CD1B: variants seen among roughly 807,000 people sequenced by gnomAD.
CD1B encodes the protein CD1b molecule, also known as T-cell surface glycoprotein CD1b.
In CD1B, 43 loss-of-function variants were observed where a neutral mutation model predicts 39.8. That is an observed-to-expected ratio of 1.08 (90% CI 0.85 to 1.39). CD1B has a LOEUF of 1.39. Ranked by LOEUF, CD1B falls within the 40% of genes most tolerant of loss-of-function variation. CD1B has a pLI of 0.00. For missense variants in CD1B, 495 were observed against 403.8 expected (o/e 1.23, Z -1.94); for synonymous variants, 192 against 152.5 (o/e 1.26, Z -1.91).
the CD1B span, among the ~76,000 whole-genome samples, chr1:158,288,890 C>G: frequency 6.6e-6 from 1 of 152,224 alleles, no homozygotes; most frequent in Non-Finnish European, 1.5e-5. Context: ...CAAACATTGA[C>G]AAATGCTGCC....
At chr1:158,326,250 GCGTGAGCCA>G (rs1652348480), downstream of CD1B, among the ~76,000 whole-genome samples, 1 of 152,134 alleles carries the variant, frequency 6.6e-6, no homozygotes, top group African/African-American at 2.4e-5. Flanking sequence ...GGGATTACAG[GCGTGAGCCA>G]CCATGCCCGG....
the CD1B span, among the ~76,000 whole-genome samples, chr1:158,314,642 GTTTTTTTTA>G: frequency 1.3e-5 from 2 of 150,600 alleles, no homozygotes; most frequent in African/African-American, 4.9e-5. Context: ...GTTTTGTTTT[GTTTTTTTTA>G]TTTTTTTATT....
the CD1B span, among the ~76,000 whole-genome samples, chr1:158,321,230 G>C: frequency 1.2e-4 from 18 of 151,980 alleles, no homozygotes; most frequent in Non-Finnish European, 2.5e-4. Flanking sequence ...TTCTCTTTCT[G>C]TATTTACCCC....
chr1:158,292,121 G>T, the CD1B span: 1 of 1,614,088 alleles, frequency 6.2e-7, no homozygotes, highest in Non-Finnish European at 8.5e-7. Context: ...GCTGTGAGCT[G>T]CATTCTGGAA....
At chr1:158,309,544 A>T in the CD1B span, among the ~76,000 whole-genome samples, 17 of 152,078 alleles carry the variant, frequency 1.1e-4, no homozygotes, top group Non-Finnish European at 2.2e-4. Flanking sequence ...ATGTTTATTG[A>T]GGCACTATTC....
the CD1B span, among the ~76,000 whole-genome samples, chr1:158,306,338 A>G: frequency 6.6e-6 from 1 of 152,142 alleles, no homozygotes; most frequent in Non-Finnish European, 1.5e-5. Context: ...AAAGAAAGCC[A>G]TTACATAATG....
the CD1B span, among the ~76,000 whole-genome samples, chr1:158,314,247 G>A: frequency 6.6e-6 from 1 of 152,096 alleles, no homozygotes; most frequent in East Asian, 1.9e-4. Context: ...ACCACAATCA[G>A]CTAATTTTTG....
At chr1:158,297,416 C>T in the CD1B span, among the ~76,000 whole-genome samples, 1 of 152,098 alleles carries the variant, frequency 6.6e-6, no homozygotes, top group African/African-American at 2.4e-5. Context: ...TACCACCAGA[C>T]CTGCCTTATA....
chr1:158,296,955 G>A, the CD1B span, among the ~76,000 whole-genome samples: 1 of 152,152 alleles, frequency 6.6e-6, no homozygotes, highest in East Asian at 1.9e-4. Context: ...GTTATGTAAA[G>A]AGACCAAACC....
chr1:158,309,973 A>G, the CD1B span, among the ~76,000 whole-genome samples: 1 of 125,924 alleles, frequency 7.9e-6, no homozygotes, highest in South Asian at 2.9e-4. Flanking sequence ...CTAAAACTTA[A>G]CGTATAATAA....
the CD1B span, among the ~76,000 whole-genome samples, chr1:158,300,758 CT>C: frequency 1.4e-5 from 2 of 142,468 alleles, no homozygotes; most frequent in African/African-American, 5.7e-5. Flanking sequence ...CTCTCTCTCT[CT>C]CTTTTTTTTT....
chr1:158,317,744 A>C, the CD1B span, among the ~76,000 whole-genome samples: 40 of 151,842 alleles, frequency 2.6e-4, no homozygotes, highest in Middle Eastern at 3.4e-3. Context: ...AGTTCTTTTA[A>C]CTGTGATGTT....
the CD1B span, chr1:158,293,457 C>G: frequency 6.2e-7 from 1 of 1,613,894 alleles, no homozygotes; most frequent in Non-Finnish European, 8.5e-7. Flanking sequence ...CTTCACAGCT[C>G]ATATCAGGAC....
the CD1B span, among the ~76,000 whole-genome samples, chr1:158,311,804 G>A: frequency 1.2e-4 from 19 of 152,124 alleles, no homozygotes; most frequent in Non-Finnish European, 2.4e-4. Flanking sequence ...TAGGTTGGCT[G>A]TAAAGGCATG....
rs199680462 is a variant in CD1B at position 158,328,990 on chromosome 1, A to G, written c.911T>C (p.Ile304Thr). 1.7e-5 allele frequency: 27 copies of G among 1,613,956 alleles called. No individual in the cohort carries two copies. In the East Asian group the frequency reaches 2.7e-4, roughly 16 times the overall value. Residue 304 changes from isoleucine (I) to threonine (T), a missense_variant, in exon 5 of 6, where the codon ATT becomes ACT. Transcript: ENST00000368168. ...GGAAGGCACTATTATTGCCAAAACAATTGAGCCAATGGAGGTGGGGTTTCC... is the reference window on the plus strand; with the variant it reads ...GGAAGGCACTATTATTGCCAAAACAGTTGAGCCAATGGAGGTGGGGTTTCC... ...YWRNPTSIGS[I>T]VLAIIVPSLL...
chr1:158,290,427 A>G, the CD1B span, among the ~76,000 whole-genome samples: 1 of 152,168 alleles, frequency 6.6e-6, no homozygotes, highest in Admixed American at 6.5e-5. Context: ...TTATGTTACA[A>G]ATGACACGCA....
the CD1B span, among the ~76,000 whole-genome samples, chr1:158,321,155 T>A: frequency 6.6e-6 from 1 of 152,226 alleles, no homozygotes; most frequent in Admixed American, 6.5e-5. Context: ...TGTAGGCCTA[T>A]TAGCATTTGC....
the CD1B span, among the ~76,000 whole-genome samples, chr1:158,299,918 T>C: frequency 1.3e-5 from 2 of 152,198 alleles, no homozygotes; most frequent in African/African-American, 2.4e-5. Flanking sequence ...TCAATTTTGC[T>C]GATCTTTTCA....
At chr1:158,321,029 C>A in the CD1B span, among the ~76,000 whole-genome samples, 1 of 152,134 alleles carries the variant, frequency 6.6e-6, no homozygotes, top group African/African-American at 2.4e-5. Context: ...TTCATTTGGT[C>A]AGGAGTTCAG....
Sources: gnomAD v4.1 joint callset for allele counts (sites outside exome capture counted in the v4.1 genomes callset) on GRCh38, gnomAD v4.1.1 for gene constraint, MANE v1.5 for transcripts, NCBI Gene and HGNC (gene_info 2026-07-23, HGNC 2026-07-21) for gene names.